Variants in AMDHD1 observed in about 807,000 individuals in gnomAD.
AMDHD1 encodes probable imidazolonepropionase.
AMDHD1 carries 45 observed loss-of-function variants against 44.1 expected under a neutral mutation model. The observed-to-expected ratio is 1.02, with a 90% CI of 0.80 to 1.31. The LOEUF is 1.31. Among genes scored for constraint, AMDHD1 ranks in the 50% most tolerant of loss-of-function variants. The pLI is 0.00. For synonymous variants in AMDHD1, 206 were observed against 205.0 expected, an observed-to-expected ratio of 1.00 and a Z score of -0.04; for missense variants, 586 against 552.1, an observed-to-expected ratio of 1.06 and a Z score of -0.61.
Position 95,960,539 on chromosome 12 carries a change from C to A in AMDHD1, c.729C>A (p.Thr243=), listed in dbSNP as rs138567370. The A allele has an allele frequency of 6.0e-4, 964 of 1,614,160 alleles. 9 individuals are homozygous for A. In the African/African-American group the frequency reaches 0.011, roughly 18 times the overall value. ...CEKGVFDLDS[T]RRILQRGKDI... is the part of the protein sequence containing the mutation. The stretch of plus-strand genomic sequence containing the variant: ...AAGGTGTCTTTGATCTCGATTCCAC[C>A]AGAAGGATTCTTCAACGTGGAAAAG... Residue 243 remains threonine (T), a synonymous_variant, in exon 5 of 9, where the codon ACC becomes ACA. Coordinates refer to ENST00000266736, the MANE Select transcript of AMDHD1 (RefSeq NM_152435.3).
At chr12:95,946,219 G>GGGA (rs933108091) in intron 1 of AMDHD1, among the ~76,000 whole-genome samples, 1 of 152,010 alleles carries the variant, frequency 6.6e-6, no homozygotes, top group African/African-American at 2.4e-5. Context: ...AAAACAAACA[G>GGGA]GAATTAAAAT....
Position 95,943,527 on chromosome 12 carries a change from G to A in AMDHD1, c.129G>A (p.Val43=). ...SLAVLEGASL[V]VGKDGFIKAI... The stretch of plus-strand genomic sequence containing the variant: ...CGGTGCTGGAAGGCGCCAGCCTGGT[G>A]GTGGGCAAGTAAGTGGCCGGGCGCG... Residue 43 remains valine, a synonymous_variant, in exon 1 of 9, where the codon GTG becomes GTA. Transcript: ENST00000266736. 6.8e-7 allele frequency: 1 copy of A among 1,469,558 alleles called. No homozygotes were observed. Among genetic ancestry groups the A allele is most frequent in the East Asian group, 2.9e-5 (1 of 34,708 alleles). 91.0% of individuals were successfully genotyped at this position (1,469,558 alleles called of 1,614,324 possible).
At chr12:95,960,648 C>T (rs757012045) in intron 5 of AMDHD1, 25 bp downstream of exon 5, 3 of 1,597,086 alleles carry the variant, frequency 1.9e-6, no homozygotes, top group Non-Finnish European at 2.6e-6. Context: ...TAGTTTTTCC[C>T]TCGTCAACAT....
Position 95,968,048 on chromosome 12 carries a change from T to C in AMDHD1, c.*205T>C, listed in dbSNP as rs909622812. On this transcript the variant is annotated 3_prime_UTR_variant, in exon 9 of 9. Coordinates refer to ENST00000266736, the MANE Select transcript of AMDHD1 (RefSeq NM_152435.3). ...TTGACATATAAACAGGTAAACCTAT[T>C]GTGATTAAAATCACAAAACATCCAA... 2.8e-6 allele frequency: 1 copy of C among 361,614 alleles called. No individual in the cohort carries two copies. Among genetic ancestry groups the C allele is most frequent in the Non-Finnish European group, 5.0e-6 (1 of 201,926 alleles). The allele number at this position is 361,614 out of a possible 1,614,324, so 22.4% of individuals were successfully genotyped here.
At chr12:95,949,079 A>G (rs1378337575) in intron 1 of AMDHD1, among the ~76,000 whole-genome samples, 1 of 14,306 alleles carries the variant, frequency 7.0e-5, no homozygotes, top group Non-Finnish European at 1.0e-4. Flanking sequence ...CTATTGTCCC[A>G]TGACCCTGCC....
Position 95,960,565 on chromosome 12 carries a change from A to G in AMDHD1, c.755A>G (p.Asp252Gly), listed in dbSNP as rs1349043497. ...AGAAGGATTCTTCAACGTGGAAAAG[A>G]TATAGGGTTACAGATTAACTTCCAT... ...STRRILQRGK[D>G]IGLQINFHGD... The change falls in exon 5 of 9, where the codon GAT becomes GGT. Residue 252 changes from aspartate (D) to glycine (G), a missense_variant. By Grantham distance (94) the Asp-to-Gly change is moderately conservative (BLOSUM62 -1). Transcript: ENST00000266736. 3.1e-6 allele frequency: 5 copies of G among 1,614,220 alleles called. No individual in the cohort carries two copies. The highest frequency in any genetic ancestry group is 3.3e-5 in the Admixed American group (2 of 60,028).
Position 95,956,876 on chromosome 12 carries a change from C to G in AMDHD1, c.501C>G (p.Leu167=), listed in dbSNP as rs753514490. 15 of 1,613,958 alleles carry G rather than the reference C, an allele frequency of 9.3e-6. No individual in the cohort carries two copies. The highest frequency in any genetic ancestry group is 6.8e-6 in the Non-Finnish European group (8 of 1,180,062). ...SGYGLDLETE[L]KMLRVIERAR... is the part of the protein sequence containing the mutation. Reference sequence around the variant, plus strand: ...ATGGCCTCGACCTGGAGACCGAGCTCAAGATGCTGCGCGTGATTGAGCGCG... The same window carrying G: ...ATGGCCTCGACCTGGAGACCGAGCTGAAGATGCTGCGCGTGATTGAGCGCG... The change falls in exon 4 of 9, where the codon CTC becomes CTG. Residue 167 remains leucine (L), a synonymous_variant. Coordinates refer to ENST00000266736, the MANE Select transcript of AMDHD1 (RefSeq NM_152435.3).
chr12:95,943,806 T>C (rs2080478638), intron 1 of AMDHD1, among the ~76,000 whole-genome samples: 1 of 152,050 alleles, frequency 6.6e-6, no homozygotes, highest in Non-Finnish European at 1.5e-5. Context: ...TCAGAAGGGG[T>C]TGAGGTCCTC....
At chr12:95,953,822 C>T (rs2080536235) in intron 2 of AMDHD1, among the ~76,000 whole-genome samples, 1 of 152,184 alleles carries the variant, frequency 6.6e-6, no homozygotes, top group Middle Eastern at 3.2e-3. Context: ...CTCAAGCGAT[C>T]TGCTGATCTC....
chr12:95,954,573 T>TAAATAAATAAAATA (rs573443192), intron 2 of AMDHD1, among the ~76,000 whole-genome samples: 2,091 of 147,168 alleles, frequency 0.014, 50 homozygotes, highest in African/African-American at 0.049. Flanking sequence ...TTCTCAAAAA[T>TAAATAAATAAAATA]AAATAAAATA....
At position 95,967,737 on chromosome 12, in the gene AMDHD1, T is replaced by TTG. The variant is rs2080618657; in HGVS notation, c.1194-18_1194-17insGT. 22 of 611,346 alleles carry TTG rather than the reference T, an allele frequency of 3.6e-5. No homozygotes were observed. The highest frequency in any genetic ancestry group is 4.7e-5 in the Non-Finnish European group (21 of 445,338). 37.9% of individuals were successfully genotyped at this position (611,346 alleles called of 1,614,324 possible). A position where few individuals can be genotyped will look rare whatever the true frequency, so the allele number is the denominator to read the frequency against. On this transcript the variant is annotated intron_variant, in intron 8 of 8. Coordinates refer to ENST00000266736, the MANE Select transcript of AMDHD1 (RefSeq NM_152435.3). Reference sequence around the variant, plus strand: ...GCACACATTGAAGTAATATTTGTTGTTTTTTTTTTTTTTTCTAGATGGGAG... The same window carrying TTG: ...GCACACATTGAAGTAATATTTGTTGTTGTTTTTTTTTTTTTTCTAGATGGGAG...
At chr12:95,954,772 T>G (rs1592823028) in intron 2 of AMDHD1, 139 bp from the exon 3 acceptor site, 1 of 689,292 alleles carries the variant, frequency 1.5e-6, no homozygotes. Context: ...ACAGACAAAT[T>G]CTTCCTTTCA....
chr12:95,944,565 C>T (rs1022198942), intron 1 of AMDHD1, among the ~76,000 whole-genome samples: 9 of 151,692 alleles, frequency 5.9e-5, no homozygotes, highest in African/African-American at 1.9e-4. Flanking sequence ...TACAGGTGCA[C>T]GCCACCACGC....
intron 2 of AMDHD1, 141 bp from the exon 3 acceptor site, chr12:95,954,770 A>T: frequency 1.5e-6 from 1 of 687,950 alleles, no homozygotes; most frequent in South Asian, 2.1e-5. Context: ...AGACAGACAA[A>T]TTCTTCCTTT....
At chr12:95,965,575 C>A in intron 6 of AMDHD1, 111 bp from the exon 7 acceptor site, 1 of 597,298 alleles carries the variant, frequency 1.7e-6, no homozygotes, top group Non-Finnish European at 2.9e-6. Context: ...GTTTCTGCTT[C>A]TTCTTCCAGA....
rs1280901512 is a variant in AMDHD1, at chr12:95,962,479, G to A, written c.938G>A (p.Arg313Lys). ...ILLPTTAYML[R>K]LKQPRARKML... is the part of the protein sequence containing the mutation. ...CTGCCCACCACAGCCTACATGCTGA[G>A]GTAAGGTCGTTTCTCACCCCAGACC... Residue 313 changes from arginine to lysine, a missense_variant and splice_region_variant, in exon 6 of 9, where the codon AGA becomes AAA. Physicochemically the swap from Arg to Lys is conservative, Grantham distance 26. Coordinates refer to ENST00000266736, the MANE Select transcript of AMDHD1 (RefSeq NM_152435.3). 5.1e-6 allele frequency: 8 copies of A among 1,575,316 alleles called. No homozygotes were observed.
rs376460465 is a variant in AMDHD1, at chr12:95,960,608, G to A, written c.798G>A (p.Pro266=). ...QINFHGDELH[P]MKAAELGAEL... is the part of the protein sequence containing the mutation. The stretch of plus-strand genomic sequence containing the variant: ...ACTTCCATGGGGATGAACTCCACCC[G>A]ATGAAGGCTGCTGAGGTGTGGTTGA... Residue 266 remains proline, a synonymous_variant, in exon 5 of 9, where the codon CCG becomes CCA. Transcript: ENST00000266736. 52 of 1,613,980 alleles carry A rather than the reference G, an allele frequency of 3.2e-5. No homozygotes were observed. The highest frequency in any genetic ancestry group is 3.9e-5 in the Non-Finnish European group (46 of 1,179,956).
At chr12:95,951,086 A>T (rs894803581) in intron 1 of AMDHD1, among the ~76,000 whole-genome samples, 1 of 152,212 alleles carries the variant, frequency 6.6e-6, no homozygotes, top group African/African-American at 2.4e-5. Context: ...TGTTACAAAC[A>T]TTCCAATCGT....
At chr12:95,952,436 A>G (rs1001084763) in intron 1 of AMDHD1, among the ~76,000 whole-genome samples, 3 of 152,156 alleles carry the variant, frequency 2.0e-5, no homozygotes, top group Non-Finnish European at 4.4e-5. Flanking sequence ...TGCCAGTACC[A>G]TGCTCTTTTG....
Sources: allele counts gnomAD v4.1 joint callset (sites outside exome capture counted in the v4.1 genomes callset), GRCh38; gene constraint gnomAD v4.1.1; transcripts MANE v1.5; gene names NCBI Gene and HGNC (gene_info 2026-07-23, HGNC 2026-07-21).